ALDH7A1: variants seen among roughly 807,000 people sequenced by gnomAD.
ALDH7A1 encodes the protein alpha-aminoadipic semialdehyde dehydrogenase.
ALDH7A1 carries 63 observed loss-of-function variants against 79.9 expected under a neutral mutation model. The observed-to-expected ratio is 0.79, with a 90% CI of 0.64 to 0.97. The LOEUF is 0.97. Among genes scored for constraint, ALDH7A1 ranks in the 50% least tolerant of loss-of-function variants. The pLI, the probability that ALDH7A1 is intolerant of heterozygous loss-of-function variation, is 0.00. For synonymous variants in ALDH7A1, 240 were observed against 231.2 expected (o/e 1.04, Z -0.34); for missense variants, 627 against 665.2 (o/e 0.94, Z 0.63).
intron 7 of ALDH7A1, chr5:126,571,089 C>A: frequency 2.3e-6 from 1 of 437,768 alleles, no homozygotes; most frequent in Non-Finnish European, 4.3e-6. Context: ...TGTCCTCAAA[C>A]ATTCAGACCT....
chr5:126,568,012 T>G (rs1461272210), intron 9 of ALDH7A1: 2 of 411,282 alleles, frequency 4.9e-6, no homozygotes, highest in Non-Finnish European at 9.2e-6. Flanking sequence ...CTGGATCTCC[T>G]GACCTTGTGA....
At chr5:126,558,018 A>AG (rs1184699033) in intron 11 of ALDH7A1, among the ~76,000 whole-genome samples, 2 of 152,026 alleles carry the variant, frequency 1.3e-5, no homozygotes, top group East Asian at 3.9e-4. Context: ...AAATACAAAA[A>AG]TTAGCCAGGC....
intron 7 of ALDH7A1, among the ~76,000 whole-genome samples, chr5:126,573,262 T>C (rs1336288678): frequency 1.3e-5 from 2 of 152,094 alleles, no homozygotes; most frequent in East Asian, 3.9e-4. Context: ...TTTGTTTGTT[T>C]TTTAGGTTTA....
At chr5:126,570,914 C>A (rs553490785) in intron 7 of ALDH7A1, 55 bp from the exon 8 acceptor site, 1 of 1,562,314 alleles carries the variant, frequency 6.4e-7, no homozygotes, top group Non-Finnish European at 8.8e-7. Context: ...TTTTTAAAAA[C>A]AAGGAATAAA....
intron 7 of ALDH7A1, among the ~76,000 whole-genome samples, chr5:126,575,087 A>G (rs531797129): frequency 6.6e-6 from 1 of 152,342 alleles, no homozygotes; most frequent in African/African-American, 2.4e-5. Flanking sequence ...TCTATTCTCA[A>G]AACCACTAAC....
intron 3 of ALDH7A1, chr5:126,592,212 G>A (rs1751576526): frequency 1.1e-5 from 2 of 178,524 alleles, no homozygotes; most frequent in South Asian, 2.6e-4. Flanking sequence ...TCACAAGCAT[G>A]AGCCACCAGG....
At chr5:126,570,108 C>G (rs1750723849) in intron 8 of ALDH7A1, 1 of 152,328 alleles carries the variant, frequency 6.6e-6, no homozygotes, top group Admixed American at 6.5e-5. Flanking sequence ...TCCATAGAGA[C>G]AGAAAATTCT....
At chr5:126,573,138 G>C (rs74898342) in intron 7 of ALDH7A1, among the ~76,000 whole-genome samples, 23 of 88,830 alleles carry the variant, frequency 2.6e-4, no homozygotes, top group African/African-American at 9.6e-4. Flanking sequence ...AAAAAAAAAA[G>C]CTTAAAGCAA....
At chr5:126,564,732 A>C in intron 9 of ALDH7A1, 2 of 431,374 alleles carry the variant, frequency 4.6e-6, no homozygotes, top group Non-Finnish European at 7.9e-6. Context: ...GCATAGCGCT[A>C]TGCTAGGTGT....
At chr5:126,558,180 A>C (rs1165021859) in intron 11 of ALDH7A1, among the ~76,000 whole-genome samples, 1 of 150,548 alleles carries the variant, frequency 6.6e-6, no homozygotes, top group Admixed American at 6.6e-5. Flanking sequence ...AAAAAAAAAA[A>C]AAAAAAAAAA....
intron 7 of ALDH7A1, among the ~76,000 whole-genome samples, chr5:126,571,644 A>T (rs538830635): frequency 6.6e-6 from 1 of 151,876 alleles, no homozygotes; most frequent in Non-Finnish European, 1.5e-5. Flanking sequence ...CCTTTTATTT[A>T]TTTATTTATT....
At chr5:126,591,294 G>C (rs1581404484) in intron 3 of ALDH7A1, among the ~76,000 whole-genome samples, 1 of 151,960 alleles carries the variant, frequency 6.6e-6, no homozygotes, top group African/African-American at 2.4e-5. Context: ...ACTTTTGATT[G>C]TGTATAATGG....
At chr5:126,554,702 G>T (rs1750123022) in intron 12 of ALDH7A1, 1 of 396,572 alleles carries the variant, frequency 2.5e-6, no homozygotes, top group Non-Finnish European at 4.8e-6. Context: ...AAGTCTGTTT[G>T]CCAATCTCTA....
intron 7 of ALDH7A1, among the ~76,000 whole-genome samples, chr5:126,574,666 G>A (rs1193462314): frequency 1.3e-5 from 2 of 151,642 alleles, no homozygotes; most frequent in Non-Finnish European, 1.5e-5. Flanking sequence ...CTGGACTCCA[G>A]CCTGAGTGAC....
chr5:126,569,984 T>C (rs1750719658), intron 8 of ALDH7A1: 1 of 152,244 alleles, frequency 6.6e-6, no homozygotes, highest in Non-Finnish European at 1.5e-5. Flanking sequence ...TTCATCCCAG[T>C]TCAGCACAAG....
chr5:126,555,965 G>A lies in ALDH7A1; in HGVS notation c.1059C>T (p.Ala353=), dbSNP rs752660981. Residue 353 remains alanine, a synonymous_variant, in exon 12 of 18, where the codon GCC becomes GCT. Coordinates refer to ENST00000409134, the MANE Select transcript of ALDH7A1 (RefSeq NM_001182.5). ...HDEVVNRLKK[A]YAQIRVGNPW... ...GGTTCCCAACTCGGATCTGTGCATA[G>A]GCCTTTTTAAGTCTGTTTACAACCT... The A allele has an allele frequency of 1.2e-6, 2 of 1,613,480 alleles. No homozygotes were observed. Among genetic ancestry groups the A allele is most frequent in the South Asian group, 2.2e-5 (2 of 91,074 alleles).
At chr5:126,561,594 G>C (rs984508733) in intron 9 of ALDH7A1, 5 of 152,604 alleles carry the variant, frequency 3.3e-5, no homozygotes, top group Non-Finnish European at 7.3e-5. Flanking sequence ...TAAGCAATTA[G>C]TGACTCTGAT....
chr5:126,568,043 A>G, intron 9 of ALDH7A1: 1 of 471,164 alleles, frequency 2.1e-6, no homozygotes, highest in Non-Finnish European at 3.9e-6. Context: ...TTGGCCTCCC[A>G]AAGTGCTGGG....
At position 126,555,208 on chromosome 5, in the gene ALDH7A1, C is replaced by T. The variant is rs76191481; in HGVS notation, c.1093+723G>A. On this transcript the variant is annotated intron_variant, in intron 12 of 17. Coordinates refer to ENST00000409134, the MANE Select transcript of ALDH7A1 (RefSeq NM_001182.5). The stretch of plus-strand genomic sequence containing the variant: ...GGTTTTAATCTAAAAGCAGGCCTGG[C>T]GCAATGGCTCACACCTGTAATCTTA... 468 of 153,486 alleles carry T rather than the reference C, an allele frequency of 3.0e-3. 2 individuals are homozygous for T. Among genetic ancestry groups the T allele is most frequent in the Non-Finnish European group, 5.1e-3 (352 of 69,116 alleles). The allele number at this position is 153,486 out of a possible 1,614,324, so 9.5% of individuals were successfully genotyped here.
Sources: allele counts gnomAD v4.1 joint callset (sites outside exome capture counted in the v4.1 genomes callset), GRCh38; gene constraint gnomAD v4.1.1; transcripts MANE v1.5; gene names NCBI Gene and HGNC (gene_info 2026-07-23, HGNC 2026-07-21).